NMD3: variants seen among roughly 807,000 people sequenced by gnomAD.
The protein encoded by NMD3 is NMD3 ribosome export adaptor, also known as 60S ribosomal export protein NMD3.
Under a neutral mutation model 73.1 loss-of-function variants are expected in NMD3, and 47 were observed. The ratio of observed to expected loss-of-function variants is 0.64; its 90% CI spans 0.51 to 0.82. The LOEUF (loss-of-function observed/expected upper bound fraction) is 0.82, where lower values mean the gene tolerates loss of function less well. NMD3 is among the 40% of genes least tolerant of loss of function. The pLI is 0.00. For synonymous variants in NMD3, 210 were observed against 194.5 expected (o/e 1.08, Z -0.66); for missense variants, 554 against 612.5 (o/e 0.90, Z 1.01).
At chr3:161,252,740 C>G (rs533676793), downstream of NMD3, 9 of 659,786 alleles carry the variant, frequency 1.4e-5, no homozygotes, top group Non-Finnish European at 2.2e-5. Flanking sequence ...ATATAATTTA[C>G]AAGTCATTAT....
At chr3:161,240,037 C>T (rs956577737) in intron 9 of NMD3, among the ~76,000 whole-genome samples, 6 of 152,028 alleles carry the variant, frequency 3.9e-5, no homozygotes, top group African/African-American at 1.2e-4. Flanking sequence ...CATATTTAGG[C>T]CTTGTGTAAC....
chr3:161,224,962 C>T lies in NMD3; in HGVS notation c.77C>T (p.Pro26Leu). ...LCCECGVPIS[P>L]NPANICVACL... ...TGTGAGTGTGGTGTTCCGATAAGTC[C>T]AAATCCTGCCAATATTTGTGTGGCC... The change falls in exon 3 of 16, where the codon CCA becomes CTA. Residue 26 changes from proline to leucine, a missense_variant. Pro to Leu is a moderately conservative substitution (Grantham distance 98). Transcript: ENST00000351193. The T allele has an allele frequency of 6.2e-7, 1 of 1,612,560 alleles. No homozygotes were observed. The highest frequency in any genetic ancestry group is 8.5e-7 in the Non-Finnish European group (1 of 1,179,464).
chr3:161,238,446 C>CGTTA (rs1430828648), intron 8 of NMD3, among the ~76,000 whole-genome samples: 8 of 152,006 alleles, frequency 5.3e-5, no homozygotes, highest in African/African-American at 1.9e-4. Context: ...TTGCAGTGGG[C>CGTTA]GTTAGTATGG....
At chr3:161,224,908 AT>A (rs1194034390) in intron 2 of NMD3, 21 bp from the exon 3 acceptor site, 2 of 1,556,004 alleles carry the variant, frequency 1.3e-6, no homozygotes, top group Non-Finnish European at 1.7e-6. Context: ...AATGTGAAAA[AT>A]TTATCCTTTA....
intron 9 of NMD3, among the ~76,000 whole-genome samples, 198 bp from the exon 10 acceptor site, chr3:161,240,848 T>C (rs2108092683): frequency 6.9e-6 from 1 of 145,858 alleles, no homozygotes; most frequent in African/African-American, 2.5e-5. Flanking sequence ...TTTTTTTTTT[T>C]TTAAAGCATT....
chr3:161,231,027 G>A (rs187250220), intron 4 of NMD3, among the ~76,000 whole-genome samples: 6 of 152,316 alleles, frequency 3.9e-5, no homozygotes, highest in Non-Finnish European at 2.9e-5. Flanking sequence ...ATCTATTTCT[G>A]TAGTTCTGTC....
rs536664823 is a variant in NMD3, at chr3:161,238,148, G to T, written c.613G>T (p.Ala205Ser). The T allele has an allele frequency of 1.9e-6, 3 of 1,599,588 alleles. No individual in the cohort carries two copies. The African/African-American group carries it at 4.1e-5, about 22-fold the overall frequency. ...LDFYYSSKQHAQKMVEFLQCT... is the reference protein window; with the variant it reads ...LDFYYSSKQHSQKMVEFLQCT... ...TTTTTATTATTCCTCAAAACAACAT[G>T]CTCAGAAGATGGTCGAATTTCTTCA... Residue 205 changes from alanine (A) to serine (S), a missense_variant, in exon 8 of 16, where the codon GCT becomes TCT. By Grantham distance (99) the Ala-to-Ser change is moderately conservative. Transcript: ENST00000351193.
At chr3:161,242,465 A>G (rs1360824776) in intron 10 of NMD3, 43 bp from the exon 11 acceptor site, 1 of 1,555,700 alleles carries the variant, frequency 6.4e-7, no homozygotes, top group Non-Finnish European at 8.8e-7. Context: ...TAATTGAAAT[A>G]TATAATTTTT....
chr3:161,228,757 T>A (rs537188918), intron 4 of NMD3, among the ~76,000 whole-genome samples: 1 of 152,318 alleles, frequency 6.6e-6, no homozygotes, highest in African/African-American at 2.4e-5. Context: ...GCAATCCCTG[T>A]CTTAGAAAGC....
rs763353125 is a variant in NMD3, at chr3:161,238,820, A to G, written c.747A>G (p.Ile249Met). The change falls in exon 9 of 16, where the codon ATA becomes ATG. Residue 249 changes from isoleucine (I) to methionine (M), a missense_variant. Ile to Met is a conservative substitution (Grantham distance 10, BLOSUM62 1). Coordinates refer to ENST00000351193, the MANE Select transcript of NMD3 (RefSeq NM_015938.5). ...KSTFSVEIVP[I>M]CKDNVVCLSP... ...CTTTTTCTGTGGAAATTGTTCCAAT[A>G]TGCAAGGTACTTTTCTTTTTCATTT... 6.8e-7 allele frequency: 1 copy of G among 1,460,236 alleles called. No individual in the cohort carries two copies. Among genetic ancestry groups the G allele is most frequent in the East Asian group, 2.3e-5 (1 of 43,716 alleles). The allele number at this position is 1,460,236 out of a possible 1,614,324, so 90.5% of individuals were successfully genotyped here. A position where few individuals can be genotyped will look rare whatever the true frequency, so the allele number is the denominator to read the frequency against.
Position 161,251,045 on chromosome 3 carries a change from C to T in NMD3, c.*135C>T, listed in dbSNP as rs1418736182. 6.5e-6 allele frequency: 4 copies of T among 618,182 alleles called. No homozygotes were observed. The highest frequency in any genetic ancestry group is 1.9e-5 in the African/African-American group (1 of 53,868). 38.3% of individuals were successfully genotyped at this position (618,182 alleles called of 1,614,324 possible). ...AAACCTGAATAAACATGTTTGTTTT[C>T]AGTGCTCACTCAAACCACTAAAACA... is the stretch of plus-strand genomic sequence containing the variant. On this transcript the variant is annotated 3_prime_UTR_variant, in exon 16 of 16. Coordinates refer to ENST00000351193, the MANE Select transcript of NMD3 (RefSeq NM_015938.5).
chr3:161,225,490 A>C (rs1014913792), intron 3 of NMD3, among the ~76,000 whole-genome samples: 2 of 152,014 alleles, frequency 1.3e-5, no homozygotes, highest in African/African-American at 4.8e-5. Context: ...ATTCACGTGT[A>C]ATTAAAATAA....
At position 161,252,062 on chromosome 3, in the gene NMD3, T is replaced by A. The variant is rs1353506201; in HGVS notation, c.*1152T>A. ...ATATTGGACTTTCCAATTTTGAAAT[T>A]ATGGATAAAGTCCTAAATTTTCTAT... On this transcript the variant is annotated 3_prime_UTR_variant, in exon 16 of 16. Transcript: ENST00000351193. 1 of 152,174 alleles carries A rather than the reference T, an allele frequency of 6.6e-6. No homozygotes were observed. Among genetic ancestry groups the A allele is most frequent in the Non-Finnish European group, 1.5e-5 (1 of 68,026 alleles). The allele number at this position is 152,174 out of a possible 1,614,324, so 9.4% of individuals were successfully genotyped here. A position where few individuals can be genotyped will look rare whatever the true frequency, so the allele number is the denominator to read the frequency against.
intron 2 of NMD3, 69 bp downstream of exon 2, chr3:161,222,126 G>A: frequency 7.8e-7 from 1 of 1,282,194 alleles, no homozygotes; most frequent in Non-Finnish European, 1.1e-6. Context: ...AACTCACTAT[G>A]GAGAACGCTT....
At position 161,251,951 on chromosome 3, in the gene NMD3, T is replaced by TA. The variant is rs764241106; in HGVS notation, c.*1043dup. 6.6e-6 allele frequency: 1 copy of TA among 152,246 alleles called. No individual in the cohort carries two copies. The highest frequency in any genetic ancestry group is 1.5e-5 in the Non-Finnish European group (1 of 68,046). 9.4% of individuals were successfully genotyped at this position (152,246 alleles called of 1,614,324 possible). A position where few individuals can be genotyped will look rare whatever the true frequency, so the allele number is the denominator to read the frequency against. On this transcript the variant is annotated 3_prime_UTR_variant, in exon 16 of 16. Coordinates refer to ENST00000351193, the MANE Select transcript of NMD3 (RefSeq NM_015938.5). ...TCAGACTTGTTAAGTATGCCGCAAGTAAGAGCTAATTCATTCATTCCATGT... is the reference window on the plus strand; with the variant it reads ...TCAGACTTGTTAAGTATGCCGCAAGTAAAGAGCTAATTCATTCATTCCATGT...
Position 161,249,664 on chromosome 3 carries a change from C to T in NMD3, c.1310+104C>T, listed in dbSNP as rs1458353690. On this transcript the variant is annotated intron_variant, in intron 14 of 15. Transcript: ENST00000351193. ...AGGCATCACACAATTGATCCTTGCA[C>T]TCAATTATAATCTTGGATTCTTATC... The T allele has an allele frequency of 5.4e-6, 4 of 747,100 alleles. No homozygotes were observed. In the African/African-American group the frequency reaches 7.1e-5, roughly 13 times the overall value. The allele number at this position is 747,100 out of a possible 1,614,324, so 46.3% of individuals were successfully genotyped here.
intron 10 of NMD3, 145 bp from the exon 11 acceptor site, chr3:161,242,363 T>C: frequency 1.6e-6 from 1 of 625,270 alleles, no homozygotes; most frequent in Non-Finnish European, 2.7e-6. Flanking sequence ...TAGGAGTAAT[T>C]GATGACCCTA....
intron 7 of NMD3, among the ~76,000 whole-genome samples, chr3:161,235,666 T>G (rs902750264): frequency 3.3e-5 from 5 of 152,144 alleles, no homozygotes; most frequent in African/African-American, 1.2e-4. Flanking sequence ...AACTTGCCCA[T>G]TAAGCCATCC....
chr3:161,237,077 T>C (rs1736784764), intron 7 of NMD3, among the ~76,000 whole-genome samples: 1 of 152,226 alleles, frequency 6.6e-6, no homozygotes, highest in South Asian at 2.1e-4. Flanking sequence ...TGCAAGAATA[T>C]CTTTAATATT....
Sources: gnomAD v4.1 joint callset for allele counts (sites outside exome capture counted in the v4.1 genomes callset) on GRCh38, gnomAD v4.1.1 for gene constraint, MANE v1.5 for transcripts, NCBI Gene and HGNC (gene_info 2026-07-23, HGNC 2026-07-21) for gene names.